Variants in LPP observed in about 807,000 individuals in gnomAD.
LPP encodes lipoma-preferred partner.
In LPP, 38 loss-of-function variants were observed where a neutral mutation model predicts 60.4. The observed-to-expected ratio is 0.63, with a 90% confidence interval of 0.49 to 0.83. The LOEUF is 0.83. LPP is among the 40% of genes least tolerant of loss of function. LPP has a pLI of 0.00. For missense variants in LPP, 902 were observed against 783.6 expected (o/e 1.15, Z -1.80); for synonymous variants, 328 against 290.8 (o/e 1.13, Z -1.30).
At chr3:188,581,948 G>A (rs1220166471) in intron 6 of LPP, among the ~76,000 whole-genome samples, 6 of 144,034 alleles carry the variant, frequency 4.2e-5, no homozygotes, top group Non-Finnish European at 7.4e-5. Flanking sequence ...ACCTTCTTTC[G>A]GTAGGCTTTT....
intron 5 of LPP, among the ~76,000 whole-genome samples, chr3:188,487,477 A>T (rs1165363439): frequency 1.3e-5 from 2 of 152,216 alleles, no homozygotes; most frequent in Non-Finnish European, 2.9e-5. Flanking sequence ...GCCTGTTGTC[A>T]TGTTGGCTTA....
At chr3:188,852,495 A>G (rs1260861392) in intron 9 of LPP, among the ~76,000 whole-genome samples, 1 of 152,370 alleles carries the variant, frequency 6.6e-6, no homozygotes, top group African/African-American at 2.4e-5. Context: ...TGATTAGGTT[A>G]TGAGGGCTCT....
chr3:188,532,515 T>C lies in LPP; in HGVS notation c.429+7728T>C, dbSNP rs1475737030. ...GTGAGTTTTTCTTCTTCAACTAATATGAAAAATTTGGAGATATTTTGAAAA... is the reference window on the plus strand; with the variant it reads ...GTGAGTTTTTCTTCTTCAACTAATACGAAAAATTTGGAGATATTTTGAAAA... On this transcript the variant is annotated intron_variant, in intron 6 of 11. Coordinates refer to ENST00000617246, the MANE Select transcript of LPP (RefSeq NM_001375462.1). 3.9e-5 allele frequency among the ~76,000 whole-genome samples: 6 copies of C among 152,160 alleles called. No homozygotes were observed. In the South Asian group the frequency reaches 1.2e-3, roughly 32 times the overall value.
At chr3:188,692,384 A>T (rs1862325885) in intron 7 of LPP, among the ~76,000 whole-genome samples, 2 of 152,244 alleles carry the variant, frequency 1.3e-5, no homozygotes. Context: ...ATTTGCATTT[A>T]CTTGAAAGGA....
intron 5 of LPP, among the ~76,000 whole-genome samples, chr3:188,500,540 T>C (rs951034948): frequency 6.6e-6 from 1 of 152,174 alleles, no homozygotes; most frequent in Non-Finnish European, 1.5e-5. Flanking sequence ...GTACTTTTCA[T>C]GTAGTATCTT....
At chr3:188,240,634 A>G (rs2149454078) in intron 2 of LPP, among the ~76,000 whole-genome samples, 1 of 152,310 alleles carries the variant, frequency 6.6e-6, no homozygotes, top group Admixed American at 6.5e-5. Context: ...AGAAACTTTC[A>G]TATAAAAAAG....
chr3:188,448,664 C>G (rs28606473), intron 4 of LPP, among the ~76,000 whole-genome samples: 3 of 152,132 alleles, frequency 2.0e-5, no homozygotes, highest in Non-Finnish European at 4.4e-5. Context: ...AATCTCACCT[C>G]TGGAAATTTG....
At chr3:188,521,340 T>A (rs1818809139) in intron 5 of LPP, among the ~76,000 whole-genome samples, 1 of 152,072 alleles carries the variant, frequency 6.6e-6, no homozygotes, top group Admixed American at 6.6e-5. Flanking sequence ...GGAAACTAAT[T>A]GATGTCTTAC....
intron 2 of LPP, chr3:188,247,253 T>G (rs1727290563): frequency 1.6e-5 from 13 of 826,708 alleles, no homozygotes; most frequent in Non-Finnish European, 1.9e-5. Context: ...TGCAGGGCAC[T>G]TTAGTGGGAA....
chr3:188,516,332 A>G (rs978597013), intron 5 of LPP, among the ~76,000 whole-genome samples: 2 of 152,168 alleles, frequency 1.3e-5, no homozygotes, highest in African/African-American at 2.4e-5. Context: ...ATTTTCTGCA[A>G]TTCTCACTAC....
At chr3:188,873,699 A>G (rs1486451167) in intron 11 of LPP, among the ~76,000 whole-genome samples, 1 of 152,126 alleles carries the variant, frequency 6.6e-6, no homozygotes, top group Non-Finnish European at 1.5e-5. Flanking sequence ...GGCAGACTGT[A>G]GCAAAACTGT....
chr3:188,159,919 T>A (rs1717697256), intron 1 of LPP, among the ~76,000 whole-genome samples: 1 of 152,088 alleles, frequency 6.6e-6, no homozygotes, highest in African/African-American at 2.4e-5. Context: ...GTTTGTTTGG[T>A]TTGTTTGTTT....
chr3:188,282,759 C>T (rs1389587914), intron 2 of LPP, among the ~76,000 whole-genome samples: 1 of 152,192 alleles, frequency 6.6e-6, no homozygotes, highest in Non-Finnish European at 1.5e-5. Context: ...TCCACCTTCT[C>T]AGAAACATCT....
rs867220977 is a variant in LPP at position 188,825,279 on chromosome 3, G to C, written c.1411-40921G>C. On this transcript the variant is annotated intron_variant, in intron 9 of 11. Transcript: ENST00000617246. ...TCTCTCTCTCTCTCTCTGTGTGTGTGTGTGTGTGTGTGTGTGTGTGTGTGT... is the reference window on the plus strand; with the variant it reads ...TCTCTCTCTCTCTCTCTGTGTGTGTCTGTGTGTGTGTGTGTGTGTGTGTGT... 2.5e-3 allele frequency among the ~76,000 whole-genome samples: 345 copies of C among 138,164 alleles called. 2 individuals are homozygous for C. Among genetic ancestry groups the C allele is most frequent in the East Asian group, 5.7e-3 (28 of 4,922 alleles). The allele number at this position is 138,164 out of a possible 152,430, so 90.6% of individuals were successfully genotyped here.
intron 8 of LPP, among the ~76,000 whole-genome samples, chr3:188,729,398 A>C (rs1032773333): frequency 2.0e-5 from 3 of 152,240 alleles, no homozygotes; most frequent in Admixed American, 2.0e-4. Context: ...AACAATGGGT[A>C]ACATCAGATT....
intron 3 of LPP, among the ~76,000 whole-genome samples, chr3:188,403,903 G>T (rs907777248): frequency 3.8e-4 from 58 of 152,172 alleles, no homozygotes; most frequent in African/African-American, 1.3e-3. Context: ...ATGTATGTGT[G>T]TGTATATATG....
intron 3 of LPP, among the ~76,000 whole-genome samples, chr3:188,365,337 A>C (rs941069022): frequency 2.5e-4 from 38 of 152,334 alleles, no homozygotes; most frequent in African/African-American, 8.9e-4. Context: ...ACAACAGAGG[A>C]TGCCACCAGC....
At chr3:188,359,819 C>T (rs748419642) in intron 3 of LPP, among the ~76,000 whole-genome samples, 2 of 152,232 alleles carry the variant, frequency 1.3e-5, no homozygotes, top group Non-Finnish European at 2.9e-5. Flanking sequence ...CCTCTGAGCC[C>T]CCTGTAACTC....
intron 9 of LPP, among the ~76,000 whole-genome samples, chr3:188,783,452 G>A (rs1006556249): frequency 1.3e-5 from 2 of 152,150 alleles, no homozygotes; most frequent in African/African-American, 2.4e-5. Flanking sequence ...AGTAATGCAG[G>A]AATAGAAAAA....
Sources: allele counts gnomAD v4.1 joint callset (sites outside exome capture counted in the v4.1 genomes callset), GRCh38; gene constraint gnomAD v4.1.1; transcripts MANE v1.5; gene names NCBI Gene and HGNC (gene_info 2026-07-23, HGNC 2026-07-21).